Variants in ELF4 observed in about 807,000 individuals in gnomAD.
ELF4 encodes the protein ETS-related transcription factor Elf-4.
ELF4 carries 10 observed loss-of-function variants against 31.7 expected under a neutral mutation model. The ratio of observed to expected loss-of-function variants is 0.32; its 90% CI spans 0.19 to 0.54. The LOEUF (loss-of-function observed/expected upper bound fraction) is 0.54. Ranked by LOEUF, ELF4 falls within the 20% of genes least tolerant of loss-of-function variation. The pLI is 0.95. For missense variants in ELF4, 418 were observed against 522.0 expected, an observed-to-expected ratio of 0.80 and a Z score of 1.94; for synonymous variants, 208 against 226.7, an observed-to-expected ratio of 0.92 and a Z score of 0.74.
At chrX:130,070,706 A>G (rs775453740) in intron 7 of ELF4, among the ~76,000 whole-genome samples, 1 of 98,488 alleles carries the variant, frequency 1.0e-5, no homozygotes, top group East Asian at 3.6e-4. Context: ...CAGGCAGTGC[A>G]GGTTGCAGTG....
chrX:130,070,154 G>A (rs1049147072), intron 7 of ELF4, among the ~76,000 whole-genome samples: 7 of 111,980 alleles, frequency 6.3e-5, no homozygotes, highest in Middle Eastern at 4.6e-3. Context: ...GCAAAAAGGA[G>A]GCCAGGCGCG....
chrX:130,082,227 C>G (rs1345931910), intron 1 of ELF4, among the ~76,000 whole-genome samples: 1 of 110,600 alleles, frequency 9.0e-6, no homozygotes, highest in African/African-American at 3.3e-5. Flanking sequence ...GTGGCCTTAC[C>G]CTGCTCTCAG....
intron 1 of ELF4, among the ~76,000 whole-genome samples, chrX:130,088,977 G>A (rs2124626673): frequency 9.0e-6 from 1 of 111,195 alleles, no homozygotes; most frequent in South Asian, 3.7e-4. Flanking sequence ...TCCCAAATGC[G>A]CCCTTCTGCC....
chrX:130,109,133 T>G (rs1933427572), intron 1 of ELF4, among the ~76,000 whole-genome samples: 1 of 112,731 alleles, frequency 8.9e-6, no homozygotes, highest in African/African-American at 3.2e-5. Flanking sequence ...GAGCTAGAAC[T>G]GTTCCCTTCA....
rs1932628718 is a variant in ELF4, at chrX:130,065,012, C to CGT, written c.*1708_*1709insAC. ...CGCATAGTAAATACATTTGCACAACCAAACACAGTGCCCTCCAGGGGGCAG... is the reference window on the plus strand; with the variant it reads ...CGCATAGTAAATACATTTGCACAACCGTAAACACAGTGCCCTCCAGGGGGCAG... On this transcript the variant is annotated 3_prime_UTR_variant, in exon 9 of 9. Coordinates refer to ENST00000308167, the MANE Select transcript of ELF4 (RefSeq NM_001421.4). 1 of 170,829 alleles carries CGT rather than the reference C, an allele frequency of 5.9e-6. No individual in the cohort carries two copies. Among genetic ancestry groups the CGT allele is most frequent in the South Asian group, 3.1e-4 (1 of 3,187 alleles). The allele number at this position is 170,829 out of a possible 1,213,427, so 14.1% of individuals were successfully genotyped here.
At position 130,074,090 on chromosome X, in the gene ELF4, T is replaced by G; in HGVS notation, c.299A>C (p.Asn100Thr). Reference protein sequence around the residue: ...HTMSTAEVLLNMESPSDILDE... With the variant: ...HTMSTAEVLLTMESPSDILDE... ...CAGGATATCGCTGGGAGACTCCATA[T>G]TGAGTAAGACTTCCGCGGTTGACAT... Residue 100 changes from asparagine to threonine, a missense_variant, in exon 4 of 9, where the codon AAT becomes ACT. This residue lies in a region of ELF4 where 88 missense variants were observed against 92.4 expected (regional missense o/e 0.95). Transcript: ENST00000308167. 1.7e-6 allele frequency: 2 copies of G among 1,211,755 alleles called. No homozygotes were observed. The highest frequency in any genetic ancestry group is 2.2e-6 in the Non-Finnish European group (2 of 895,502).
At chrX:130,068,836 C>T (rs1343871647) in intron 8 of ELF4, among the ~76,000 whole-genome samples, 1 of 112,636 alleles carries the variant, frequency 8.9e-6, no homozygotes, top group Non-Finnish European at 1.9e-5. Context: ...AAGTGACTTC[C>T]CCTCTCTTGA....
chrX:130,088,165 T>C (rs762526925), intron 1 of ELF4, among the ~76,000 whole-genome samples: 1 of 110,499 alleles, frequency 9.0e-6, no homozygotes, highest in East Asian at 2.8e-4. Flanking sequence ...GAGGCGGAGG[T>C]TGCAGTGAGC....
chrX:130,101,352 A>G (rs1473291498), intron 1 of ELF4, among the ~76,000 whole-genome samples: 3 of 112,810 alleles, frequency 2.7e-5, no homozygotes, highest in African/African-American at 9.7e-5. Context: ...AATTGGTAAT[A>G]AATGAAGAGC....
At chrX:130,095,789 C>T (rs369603231) in intron 1 of ELF4, among the ~76,000 whole-genome samples, 17 of 112,102 alleles carry the variant, frequency 1.5e-4, no homozygotes, top group East Asian at 5.5e-4. Context: ...CTCAAGTAGC[C>T]ACAGCATGGT....
intron 1 of ELF4, among the ~76,000 whole-genome samples, chrX:130,102,888 A>G (rs199538901): frequency 2.2e-4 from 15 of 68,986 alleles, no homozygotes; most frequent in East Asian, 3.6e-4. Context: ...GAGAGAGAGA[A>G]AGAAAGAAAG....
rs1471842014 is a variant in ELF4 at position 130,070,788 on chromosome X, AAAGAAAG to A, written c.809+245_809+251del. Among the ~76,000 whole-genome samples the A allele has an allele frequency of 2.8e-3, 203 of 72,637 alleles. 1 individual carries two copies. Among genetic ancestry groups the A allele is most frequent in the African/African-American group, 0.01 (161 of 15,793 alleles). The allele number at this position is 72,637 out of a possible 115,157, so 63.1% of individuals were successfully genotyped here. A position where few individuals can be genotyped will look rare whatever the true frequency, so the allele number is the denominator to read the frequency against. ...CTCCATCTCAAAAAAAAAAAAAAAA[AAAGAAAG>A]AAAGAAAGAAAGAAAGAAAGAAAAA... On this transcript the variant is annotated intron_variant, in intron 7 of 8. Coordinates refer to ENST00000308167, the MANE Select transcript of ELF4 (RefSeq NM_001421.4).
chrX:130,072,479 C>T lies in ELF4; in HGVS notation c.341-62G>A, dbSNP rs900823337. On this transcript the variant is annotated intron_variant, in intron 4 of 8. Transcript: ENST00000308167. ...GCAGGGCTGGAGCGGGGTCTCCCAG[C>T]GCTGGAGAGACGGGTAGGTTCCAAG... 9.7e-6 allele frequency: 11 copies of T among 1,134,346 alleles called. No homozygotes were observed. In the Admixed American group the frequency reaches 1.8e-4, roughly 18 times the overall value. 93.5% of individuals were successfully genotyped at this position (1,134,346 alleles called of 1,213,427 possible).
chrX:130,088,001 C>A (rs7050694), intron 1 of ELF4, among the ~76,000 whole-genome samples: 16,754 of 110,515 alleles, frequency 0.15, 1,102 homozygotes, highest in African/African-American at 0.24. Context: ...AAGTGGATCC[C>A]TGGAACTGTG....
At chrX:130,067,819 A>ATT (rs60581571) in intron 8 of ELF4, among the ~76,000 whole-genome samples, 1 of 101,569 alleles carries the variant, frequency 9.8e-6, no homozygotes, top group African/African-American at 3.6e-5. Context: ...TTTTTAATTT[A>ATT]TTTTTTTTTT....
chrX:130,092,229 C>T (rs191239688), intron 1 of ELF4, among the ~76,000 whole-genome samples: 5 of 113,287 alleles, frequency 4.4e-5, no homozygotes, highest in Admixed American at 9.3e-5. Context: ...CAGCTCTCAC[C>T]GCACCCCTGC....
intron 1 of ELF4, among the ~76,000 whole-genome samples, chrX:130,099,218 G>T (rs1223099189): frequency 8.9e-6 from 1 of 111,979 alleles, no homozygotes; most frequent in Non-Finnish European, 1.9e-5. Flanking sequence ...GCTATCCAGA[G>T]CTCCACGCAG....
In ELF4 at chrX:130,074,081, G is replaced by T; in HGVS notation, c.308C>A (p.Ser103Tyr). 2 of 1,211,771 alleles carry T rather than the reference G, an allele frequency of 1.7e-6. No individual in the cohort carries two copies. Among genetic ancestry groups the T allele is most frequent in the Non-Finnish European group, 2.2e-6 (2 of 895,499 alleles). Residue 103 changes from serine to tyrosine, a missense_variant, in exon 4 of 9, where the codon TCT becomes TAT. By Grantham distance (144) the Ser-to-Tyr change is moderately radical (BLOSUM62 -2). Transcript: ENST00000308167. ...STAEVLLNME[S>Y]PSDILDEKQI... ...CTTCTCATCCAGGATATCGCTGGGA[G>T]ACTCCATATTGAGTAAGACTTCCGC...
chrX:130,104,483 G>A (rs1933341554), intron 1 of ELF4, among the ~76,000 whole-genome samples: 1 of 111,588 alleles, frequency 9.0e-6, no homozygotes, highest in African/African-American at 3.3e-5. Context: ...AAGGGTGTGT[G>A]AAGGGGAAAT....
Sources: allele counts gnomAD v4.1 joint callset (sites outside exome capture counted in the v4.1 genomes callset), GRCh38; gene constraint gnomAD v4.1.1; regional missense constraint gnomAD v4.1.1; transcripts MANE v1.5; gene names NCBI Gene and HGNC (gene_info 2026-07-23, HGNC 2026-07-21).